The following PPP1R42 variants were observed in gnomAD, a reference collection of about 807,000 sequenced individuals.
PPP1R42 encodes the protein protein phosphatase 1 regulatory subunit 42.
In PPP1R42, 34 loss-of-function variants were observed where a neutral mutation model predicts 31.0. The observed-to-expected ratio is 1.10, with a 90% CI of 0.83 to 1.46. PPP1R42 has a LOEUF of 1.46. Ranked by LOEUF, PPP1R42 falls within the 40% of genes most tolerant of loss-of-function variation. The probability of loss-of-function intolerance (pLI) is 0.00; values close to 1 mark genes in which losing one functional copy is unlikely to be tolerated. For synonymous variants in PPP1R42, 103 were observed against 109.8 expected (o/e 0.94, Z 0.39); for missense variants, 268 against 303.0 (o/e 0.88, Z 0.86).
At chr8:67,013,992 A>G (rs1025188565) in intron 3 of PPP1R42, among the ~76,000 whole-genome samples, 1 of 152,184 alleles carries the variant, frequency 6.6e-6, no homozygotes, top group African/African-American at 2.4e-5. Flanking sequence ...CATCAATTGG[A>G]TCAATTATAT....
intron 5 of PPP1R42, among the ~76,000 whole-genome samples, chr8:66,999,485 T>C (rs1297943060): frequency 6.6e-6 from 1 of 152,114 alleles, no homozygotes; most frequent in Non-Finnish European, 1.5e-5. Flanking sequence ...CCTCCCAAAG[T>C]GTTGGGATTA....
intron 2 of PPP1R42, 92 bp from the exon 3 acceptor site, chr8:67,014,684 A>G: frequency 1.2e-6 from 1 of 818,900 alleles, no homozygotes; most frequent in Non-Finnish European, 1.9e-6. Context: ...TCATTCTACA[A>G]ATTTCTCTAA....
intron 5 of PPP1R42, among the ~76,000 whole-genome samples, chr8:66,994,512 A>C (rs1457755851): frequency 6.6e-6 from 1 of 152,188 alleles, no homozygotes; most frequent in Non-Finnish European, 1.5e-5. Context: ...AACCATCCTA[A>C]GGGATCATTA....
In PPP1R42 at chr8:66,964,197, A is replaced by G; in HGVS notation, c.*124T>C. The G allele has an allele frequency of 1.7e-6, 1 of 596,870 alleles. No individual in the cohort carries two copies. The highest frequency in any genetic ancestry group is 1.5e-5 in the South Asian group (1 of 66,504). The allele number at this position is 596,870 out of a possible 1,614,324, so 37.0% of individuals were successfully genotyped here. A position where few individuals can be genotyped will look rare whatever the true frequency, so the allele number is the denominator to read the frequency against. On this transcript the variant is annotated 3_prime_UTR_variant, in exon 8 of 8. Coordinates refer to ENST00000685739, the MANE Select transcript of PPP1R42 (RefSeq NM_001364910.1). ...CATATAAGGTTAAAAACAAAATCAAACGTTTCCTGTCACTTGAGGCTGAAT... is the reference window on the plus strand; with the variant it reads ...CATATAAGGTTAAAAACAAAATCAAGCGTTTCCTGTCACTTGAGGCTGAAT...
At chr8:66,976,612 T>C (rs965060933) in intron 7 of PPP1R42, among the ~76,000 whole-genome samples, 2 of 134,350 alleles carry the variant, frequency 1.5e-5, no homozygotes, top group African/African-American at 3.0e-5. Context: ...AACTTTTTGG[T>C]TTTTTTTTTT....
At chr8:66,970,278 G>A (rs1177127145) in intron 7 of PPP1R42, among the ~76,000 whole-genome samples, 8 of 151,774 alleles carry the variant, frequency 5.3e-5, no homozygotes, top group Admixed American at 3.3e-4. Context: ...CTATAGGCAC[G>A]CACCACCATG....
intron 7 of PPP1R42, among the ~76,000 whole-genome samples, chr8:66,968,086 A>G (rs1453381770): frequency 1.3e-5 from 2 of 152,202 alleles, no homozygotes; most frequent in Non-Finnish European, 2.9e-5. Flanking sequence ...CCATATTTTA[A>G]AAAATTGAAC....
At chr8:67,007,334 T>C (rs1344716989) in intron 5 of PPP1R42, among the ~76,000 whole-genome samples, 2 of 152,218 alleles carry the variant, frequency 1.3e-5, no homozygotes, top group Non-Finnish European at 2.9e-5. Context: ...TCCAAAAATA[T>C]TTAATGGAAA....
At chr8:66,970,804 T>G (rs1229560148) in intron 7 of PPP1R42, 3 of 625,634 alleles carry the variant, frequency 4.8e-6, no homozygotes, top group Non-Finnish European at 8.8e-6. Context: ...ACTTTCTGAG[T>G]GTTTGGGCAG....
chr8:67,016,700 C>T (rs988321264), intron 2 of PPP1R42, among the ~76,000 whole-genome samples: 2 of 152,058 alleles, frequency 1.3e-5, no homozygotes, highest in East Asian at 1.9e-4. Context: ...TTTTTTGAGA[C>T]GTAGTCTCAC....
intron 5 of PPP1R42, among the ~76,000 whole-genome samples, chr8:67,002,680 T>G (rs1377649103): frequency 6.6e-6 from 1 of 151,008 alleles, no homozygotes; most frequent in Non-Finnish European, 1.5e-5. Context: ...TGTTTGCTTG[T>G]TTGTTTTGTT....
chr8:67,019,761 G>A (rs937390924), intron 1 of PPP1R42, among the ~76,000 whole-genome samples: 15 of 151,530 alleles, frequency 9.9e-5, no homozygotes, highest in South Asian at 6.3e-4. Context: ...GGTGGCGGGC[G>A]CCTGTAGTCC....
chr8:66,977,315 G>A (rs1424719320), intron 7 of PPP1R42, among the ~76,000 whole-genome samples: 1 of 150,076 alleles, frequency 6.7e-6, no homozygotes, highest in Non-Finnish European at 1.5e-5. Context: ...TTACAGGCGT[G>A]AGCCATCGCG....
At chr8:66,984,520 G>T in intron 6 of PPP1R42, 1 of 1,261,360 alleles carries the variant, frequency 7.9e-7, no homozygotes, top group Non-Finnish European at 1.2e-6. Flanking sequence ...GAACTTCTTG[G>T]CTGGGGTGCT....
At chr8:66,986,285 T>A in intron 6 of PPP1R42, 1 of 508,868 alleles carries the variant, frequency 2.0e-6, no homozygotes, top group Non-Finnish European at 3.8e-6. Flanking sequence ...GAAGAGTGGC[T>A]AATTGTAGTT....
intron 5 of PPP1R42, among the ~76,000 whole-genome samples, chr8:67,007,873 T>G (rs1815732172): frequency 1.3e-5 from 2 of 151,426 alleles, no homozygotes; most frequent in African/African-American, 4.9e-5. Context: ...ATGCTGACAT[T>G]GTAACTGTTC....
intron 6 of PPP1R42, among the ~76,000 whole-genome samples, chr8:66,982,574 A>T (rs1417403090): frequency 6.6e-6 from 1 of 151,752 alleles, no homozygotes. Flanking sequence ...CTCCCACCTC[A>T]GCCTCCCGAA....
chr8:67,010,018 T>C (rs1201800727), intron 5 of PPP1R42, among the ~76,000 whole-genome samples: 1 of 152,346 alleles, frequency 6.6e-6, no homozygotes, highest in East Asian at 1.9e-4. Context: ...GCTCAACTCA[T>C]GGATGACTGT....
intron 7 of PPP1R42, among the ~76,000 whole-genome samples, chr8:66,966,568 G>A (rs1166695766): frequency 3.3e-5 from 5 of 151,888 alleles, no homozygotes; most frequent in Non-Finnish European, 5.9e-5. Flanking sequence ...GGTGGATCAC[G>A]AGATCAGGAG....
Sources: allele counts gnomAD v4.1 joint callset (sites outside exome capture counted in the v4.1 genomes callset), GRCh38; gene constraint gnomAD v4.1.1; transcripts MANE v1.5; gene names NCBI Gene and HGNC (gene_info 2026-07-23, HGNC 2026-07-21).